ZFPM2: variants seen among roughly 807,000 people sequenced by gnomAD.
ZFPM2 encodes the protein zinc finger protein ZFPM2.
In ZFPM2, 20 loss-of-function variants were observed where a neutral mutation model predicts 98.6. The ratio of observed to expected loss-of-function variants is 0.20; its 90% confidence interval spans 0.14 to 0.29. The LOEUF (loss-of-function observed/expected upper bound fraction) is 0.29, where lower values mean the gene tolerates loss of function less well. Ranked by LOEUF, ZFPM2 falls within the 10% of genes least tolerant of loss-of-function variation. The pLI is 1.00. For missense variants in ZFPM2, 1,310 were observed against 1,388.6 expected, an observed-to-expected ratio of 0.94 and a Z score of 0.90; for synonymous variants, 518 against 502.7, an observed-to-expected ratio of 1.03 and a Z score of -0.41.
chr8:105,483,330 C>G (rs1813161719), intron 3 of ZFPM2, among the ~76,000 whole-genome samples: 1 of 152,038 alleles, frequency 6.6e-6, no homozygotes, highest in Non-Finnish European at 1.5e-5. Flanking sequence ...TGGCTTATGT[C>G]TGTAATCCCA....
chr8:105,393,330 C>CTGCCTTTCTTTCTTTCTTTCTTTCTT (rs1245789213), intron 1 of ZFPM2, among the ~76,000 whole-genome samples: 14 of 132,826 alleles, frequency 1.1e-4, no homozygotes, highest in Non-Finnish European at 1.7e-4. Flanking sequence ...CCCTCTCTCT[C>CTGCCTTTCTTTCTTTCTTTCTTTCTT]TCTTTGCCTT....
intron 5 of ZFPM2, among the ~76,000 whole-genome samples, chr8:105,759,803 G>T (rs1469810691): frequency 8.6e-5 from 13 of 151,766 alleles, no homozygotes; most frequent in Admixed American, 6.6e-5. Flanking sequence ...TTGCTTACTG[G>T]TGCATGCAAA....
At chr8:105,458,383 G>A (rs181760538) in intron 3 of ZFPM2, among the ~76,000 whole-genome samples, 46 of 151,890 alleles carry the variant, frequency 3.0e-4, no homozygotes, top group African/African-American at 9.4e-4. Context: ...GTTACACTCC[G>A]TGTAAAGATA....
chr8:105,693,806 A>G (rs778478633), intron 5 of ZFPM2, among the ~76,000 whole-genome samples: 4 of 152,050 alleles, frequency 2.6e-5, no homozygotes, highest in Admixed American at 6.6e-5. Flanking sequence ...TATGGGGTAC[A>G]TGTGATATCT....
At chr8:105,422,029 G>A (rs1399645455) in intron 2 of ZFPM2, among the ~76,000 whole-genome samples, 7 of 144,816 alleles carry the variant, frequency 4.8e-5, no homozygotes, top group African/African-American at 7.8e-5. Context: ...CCTGTGCGAC[G>A]GGAGCGAGAC....
intron 3 of ZFPM2, among the ~76,000 whole-genome samples, chr8:105,464,364 G>C (rs1812757839): frequency 6.6e-6 from 1 of 152,024 alleles, no homozygotes; most frequent in African/African-American, 2.4e-5. Flanking sequence ...CTGAGTAAAT[G>C]AATTTTATAG....
chr8:105,471,397 G>A (rs1812900616), intron 3 of ZFPM2, among the ~76,000 whole-genome samples: 1 of 152,168 alleles, frequency 6.6e-6, no homozygotes, highest in Non-Finnish European at 1.5e-5. Flanking sequence ...TATTTCAGGA[G>A]TCTAATCAAA....
chr8:105,447,553 C>T (rs1000667400), intron 3 of ZFPM2, among the ~76,000 whole-genome samples: 22 of 152,080 alleles, frequency 1.4e-4, no homozygotes, highest in African/African-American at 5.1e-4. Context: ...TTGAGTTTAG[C>T]CGCAAATTAT....
intron 7 of ZFPM2, 81 bp downstream of exon 7, chr8:105,799,029 C>T: frequency 2.5e-6 from 3 of 1,199,654 alleles, no homozygotes; most frequent in Non-Finnish European, 2.4e-6. Context: ...ATGTATACGT[C>T]TATATCTGTC....
Position 105,777,304 on chromosome 8 carries a change from G to A in ZFPM2, c.533-11414G>A, listed in dbSNP as rs551891389. ...TGTAAAATGTGTTTTAACATAAAGA[G>A]CATAAAAAGTTTGCGTTTTCATTTT... is the stretch of plus-strand genomic sequence containing the variant. On this transcript the variant is annotated intron_variant, in intron 5 of 7. Coordinates refer to ENST00000407775, the MANE Select transcript of ZFPM2 (RefSeq NM_012082.4). Among the ~76,000 whole-genome samples, 11 of 152,260 alleles carry A rather than the reference G, an allele frequency of 7.2e-5. No individual in the cohort carries two copies. The South Asian group carries it at 2.3e-3, about 32-fold the overall frequency.
At chr8:105,490,666 A>C (rs1196434765) in intron 3 of ZFPM2, among the ~76,000 whole-genome samples, 13 of 152,216 alleles carry the variant, frequency 8.5e-5, no homozygotes, top group Non-Finnish European at 1.8e-4. Flanking sequence ...TATTTCTAAA[A>C]TGAGCAATTT....
chr8:105,726,986 A>G (rs1295043223), intron 5 of ZFPM2, among the ~76,000 whole-genome samples: 2 of 151,756 alleles, frequency 1.3e-5, no homozygotes, highest in Non-Finnish European at 2.9e-5. Context: ...CACAAAGTGT[A>G]TAGTGATAGA....
chr8:105,701,124 T>A (rs986333009), intron 5 of ZFPM2, among the ~76,000 whole-genome samples: 7 of 152,232 alleles, frequency 4.6e-5, no homozygotes, highest in Admixed American at 3.9e-4. Context: ...CATTTTGTTT[T>A]TCCTTGTTTT....
intron 2 of ZFPM2, among the ~76,000 whole-genome samples, chr8:105,426,042 G>A (rs964636474): frequency 6.6e-6 from 1 of 151,832 alleles, no homozygotes; most frequent in African/African-American, 2.4e-5. Flanking sequence ...TTCCTCCTTG[G>A]TTATGCCTTT....
chr8:105,491,475 C>A (rs184389824), intron 3 of ZFPM2, among the ~76,000 whole-genome samples: 1 of 152,058 alleles, frequency 6.6e-6, no homozygotes, highest in Non-Finnish European at 1.5e-5. Context: ...ATCATCATTC[C>A]GTTTATCACA....
At chr8:105,687,082 A>C (rs1318066987) in intron 5 of ZFPM2, among the ~76,000 whole-genome samples, 1 of 152,162 alleles carries the variant, frequency 6.6e-6, no homozygotes, top group Non-Finnish European at 1.5e-5. Context: ...TGCAGGTCAC[A>C]TGCTTCTCCA....
intron 4 of ZFPM2, among the ~76,000 whole-genome samples, chr8:105,598,609 G>A (rs1816023107): frequency 6.6e-6 from 1 of 152,000 alleles, no homozygotes; most frequent in African/African-American, 2.4e-5. Context: ...ACAAAACTCT[G>A]CTACCTCACT....
At chr8:105,766,852 A>G (rs1448243385) in intron 5 of ZFPM2, among the ~76,000 whole-genome samples, 1 of 151,862 alleles carries the variant, frequency 6.6e-6, no homozygotes, top group Non-Finnish European at 1.5e-5. Context: ...TAAATTTGTT[A>G]CTAAAATCAG....
intron 6 of ZFPM2, among the ~76,000 whole-genome samples, chr8:105,793,048 G>T (rs1586273010): frequency 7.8e-6 from 1 of 128,392 alleles, no homozygotes; most frequent in Non-Finnish European, 1.5e-5. Context: ...CAATTTGCCA[G>T]TCTGTGTCTT....
Sources: allele counts gnomAD v4.1 joint callset (sites outside exome capture counted in the v4.1 genomes callset), GRCh38; gene constraint gnomAD v4.1.1; transcripts MANE v1.5; gene names NCBI Gene and HGNC (gene_info 2026-07-23, HGNC 2026-07-21).